The following RYR3 variants were observed in gnomAD, a reference collection of about 807,000 sequenced individuals.
The protein encoded by RYR3 is brain ryanodine receptor-calcium release channel.
Under a neutral mutation model 584.3 loss-of-function variants are expected in RYR3, and 207 were observed. The ratio of observed to expected loss-of-function variants is 0.35; its 90% CI spans 0.32 to 0.40. The LOEUF (loss-of-function observed/expected upper bound fraction) is 0.40, where lower values mean the gene tolerates loss of function less well. RYR3 is among the 10% of genes least tolerant of loss of function. RYR3 has a pLI of 1.00. For missense variants in RYR3, 5,616 were observed against 6,089.2 expected (o/e 0.92, Z 2.59); for synonymous variants, 2,416 against 2,248.5 (o/e 1.07, Z -2.11).
chr15:33,404,320 G>A lies in RYR3; in HGVS notation c.52-69099G>A, dbSNP rs115515995. On this transcript the variant is annotated intron_variant, in intron 1 of 103. Coordinates refer to ENST00000634891, the MANE Select transcript of RYR3 (RefSeq NM_001036.6). Reference sequence around the variant, plus strand: ...TTTAATCTTTACAATGATTCTAAACGATAAACATTCATCCCTTCTTACCAA... The same window carrying A: ...TTTAATCTTTACAATGATTCTAAACAATAAACATTCATCCCTTCTTACCAA... Among the ~76,000 whole-genome samples the A allele has an allele frequency of 3.1e-3, 465 of 152,254 alleles. 1 individual carries two copies. The highest frequency in any genetic ancestry group is 0.011 in the African/African-American group (447 of 41,552).
At chr15:33,613,443 C>A in intron 19 of RYR3, 68 bp downstream of exon 19, 2 of 1,468,106 alleles carry the variant, frequency 1.4e-6, no homozygotes, top group Non-Finnish European at 1.8e-6. Flanking sequence ...CTGTGAGCTG[C>A]GAAGCCAGCA....
chr15:33,352,802 GGT>G (rs1973457722), intron 1 of RYR3, among the ~76,000 whole-genome samples: 1 of 152,150 alleles, frequency 6.6e-6, no homozygotes, highest in Non-Finnish European at 1.5e-5. Flanking sequence ...GTTTACTCAT[GGT>G]GGTCATTTAG....
intron 48 of RYR3, 140 bp downstream of exon 48, chr15:33,731,834 A>C: frequency 7.6e-6 from 5 of 661,970 alleles, no homozygotes; most frequent in East Asian, 5.4e-5. Flanking sequence ...CAGACATCTC[A>C]TAGGATGTGC....
intron 41 of RYR3, 35 bp from the exon 42 acceptor site, chr15:33,700,942 G>T: frequency 6.6e-7 from 1 of 1,504,002 alleles, no homozygotes; most frequent in Admixed American, 1.8e-5. Context: ...GTCTTCCTCT[G>T]TCCTTTTCTT....
chr15:33,785,651 C>A lies in RYR3; in HGVS notation c.9269-11C>A. ...TTGAATTTCTGTCCCTTTATTCTTCCTCTCAATCAGTTCTGGGGATGCCAG... is the reference window on the plus strand; with the variant it reads ...TTGAATTTCTGTCCCTTTATTCTTCATCTCAATCAGTTCTGGGGATGCCAG... On this transcript the variant is annotated splice_polypyrimidine_tract_variant and intron_variant, in intron 65 of 103. Coordinates refer to ENST00000634891, the MANE Select transcript of RYR3 (RefSeq NM_001036.6). The A allele has an allele frequency of 1.3e-6, 2 of 1,549,432 alleles. No homozygotes were observed. The highest frequency in any genetic ancestry group is 1.7e-6 in the Non-Finnish European group (2 of 1,145,794).
intron 85 of RYR3, among the ~76,000 whole-genome samples, chr15:33,828,147 A>C (rs1325709718): frequency 6.6e-6 from 1 of 152,148 alleles, no homozygotes; most frequent in African/African-American, 2.4e-5. Context: ...CGATGTTACT[A>C]TTGTAATTGT....
rs1232512260 is a variant in RYR3 at position 33,603,209 on chromosome 15, A to C, written c.2009A>C (p.Asp670Ala). The C allele has an allele frequency of 1.9e-6, 3 of 1,613,512 alleles. No individual in the cohort carries two copies. The highest frequency in any genetic ancestry group is 2.5e-6 in the Non-Finnish European group (3 of 1,179,808). ...TTCGAGCTGATTATCGACCAGGTGG[A>C]CCCCTTCCTAACAGCAGAGCCCACA... is the stretch of plus-strand genomic sequence containing the variant. ...WYFELIIDQV[D>A]PFLTAEPTHL... Residue 670 changes from aspartate (D) to alanine (A), a missense_variant, in exon 18 of 104, where the codon GAC becomes GCC. Transcript: ENST00000634891.
chr15:33,631,151 G>A, intron 22 of RYR3, 59 bp from the exon 23 acceptor site: 1 of 1,038,346 alleles, frequency 9.6e-7, no homozygotes, highest in Admixed American at 2.4e-5. Flanking sequence ...GTGAATTAGG[G>A]TTCCTGCTGT....
chr15:33,702,661 A>T lies in RYR3; in HGVS notation c.6483+1581A>T, dbSNP rs987071159. Among the ~76,000 whole-genome samples, 3 of 152,112 alleles carry T rather than the reference A, an allele frequency of 2.0e-5. No individual in the cohort carries two copies. The East Asian group carries it at 5.8e-4, about 29-fold the overall frequency. The stretch of plus-strand genomic sequence containing the variant: ...ATCTCAGGAGAGCTCTCTGAGCTGC[A>T]GATAGAGCACACAGAGGGTGGTTGA... On this transcript the variant is annotated intron_variant, in intron 42 of 103. Coordinates refer to ENST00000634891, the MANE Select transcript of RYR3 (RefSeq NM_001036.6).
chr15:33,331,954 A>T (rs1467402662), intron 1 of RYR3, among the ~76,000 whole-genome samples: 2 of 151,974 alleles, frequency 1.3e-5, no homozygotes, highest in Non-Finnish European at 2.9e-5. Context: ...TCATTGTAGG[A>T]GGGTAAAGAC....
Position 33,839,006 on chromosome 15 carries a change from C to T in RYR3, c.12978+48C>T, listed in dbSNP as rs1596937346. On this transcript the variant is annotated intron_variant, in intron 89 of 103. Coordinates refer to ENST00000634891, the MANE Select transcript of RYR3 (RefSeq NM_001036.6). ...ATCTTCCTTTATCCCCAGAATAAGA[C>T]TTGCCACCATATCTTGTAATCAGTA... 4 of 1,562,588 alleles carry T rather than the reference C, an allele frequency of 2.6e-6. No individual in the cohort carries two copies. In the East Asian group the frequency reaches 9.0e-5, roughly 35 times the overall value.
Position 33,633,041 on chromosome 15 carries a change from C to G in RYR3, c.2960C>G (p.Ala987Gly), listed in dbSNP as rs1274052095. ...PPQEILVDKL[A>G]ENAHNVWAKD... ...CAAGAAATTTTAGTGGATAAGCTTGCAGAAAATGCACACAATGTTTGGGCA... is the reference window on the plus strand; with the variant it reads ...CAAGAAATTTTAGTGGATAAGCTTGGAGAAAATGCACACAATGTTTGGGCA... Residue 987 changes from alanine to glycine, a missense_variant, in exon 24 of 104, where the codon GCA becomes GGA. This residue lies in a region of RYR3 where 1,284 missense variants were observed against 1,344.6 expected (regional missense o/e 0.95). Transcript: ENST00000634891. The G allele has an allele frequency of 6.2e-7, 1 of 1,613,938 alleles. No individual in the cohort carries two copies. Among genetic ancestry groups the G allele is most frequent in the Non-Finnish European group, 8.5e-7 (1 of 1,179,868 alleles).
chr15:33,347,503 G>C (rs1432744748), intron 1 of RYR3, among the ~76,000 whole-genome samples: 1 of 151,166 alleles, frequency 6.6e-6, no homozygotes, highest in Non-Finnish European at 1.5e-5. Flanking sequence ...CTGGAGTGCA[G>C]TGGTGCTATC....
rs77753049 is a variant in RYR3 at position 33,729,492 on chromosome 15, C to T, written c.7203+466C>T. ...GGCAACATTATAGGCTGACATTACT[C>T]TTCACACTCTCGCTTCTTAGTTTCA... On this transcript the variant is annotated intron_variant, in intron 47 of 103. Transcript: ENST00000634891. Among the ~76,000 whole-genome samples, 22 of 152,280 alleles carry T rather than the reference C, an allele frequency of 1.4e-4. No individual in the cohort carries two copies. In the East Asian group the frequency reaches 3.7e-3, roughly 25 times the overall value.
At chr15:33,708,345 C>T (rs2066862175) in intron 43 of RYR3, among the ~76,000 whole-genome samples, 1 of 152,140 alleles carries the variant, frequency 6.6e-6, no homozygotes, top group Non-Finnish European at 1.5e-5. Context: ...TCTTGGTCAC[C>T]TTCACAGTCA....
intron 102 of RYR3, among the ~76,000 whole-genome samples, chr15:33,863,334 A>G (rs1039106037): frequency 6.6e-6 from 1 of 152,198 alleles, no homozygotes; most frequent in Non-Finnish European, 1.5e-5. Context: ...GGCAGTGAAC[A>G]TACTTAGAGC....
intron 1 of RYR3, among the ~76,000 whole-genome samples, chr15:33,360,690 GC>G (rs1488592244): frequency 2.0e-5 from 3 of 152,378 alleles, no homozygotes; most frequent in Middle Eastern, 3.4e-3. Context: ...AAGAATTGGA[GC>G]CTTAGAGAGG....
chr15:33,757,405 C>T lies in RYR3; in HGVS notation c.8584-70C>T, dbSNP rs191083601. 4.0e-6 allele frequency: 6 copies of T among 1,516,584 alleles called. No homozygotes were observed. The African/African-American group carries it at 5.5e-5, about 14-fold the overall frequency. 93.9% of individuals were successfully genotyped at this position (1,516,584 alleles called of 1,614,324 possible). ...AGGCTTTTTGCTCACTGAAAATAAA[C>T]ACTTTTAAATGAACCAAATGAAGAG... On this transcript the variant is annotated intron_variant, in intron 59 of 103. Coordinates refer to ENST00000634891, the MANE Select transcript of RYR3 (RefSeq NM_001036.6).
intron 1 of RYR3, among the ~76,000 whole-genome samples, chr15:33,312,162 C>T (rs1967414305): frequency 6.6e-6 from 1 of 152,338 alleles, no homozygotes; most frequent in East Asian, 1.9e-4. Flanking sequence ...TATGCGCTGC[C>T]TTGCTCTCAG....
Sources: allele counts gnomAD v4.1 joint callset (sites outside exome capture counted in the v4.1 genomes callset), GRCh38; gene constraint gnomAD v4.1.1; regional missense constraint gnomAD v4.1.1; transcripts MANE v1.5; gene names NCBI Gene and HGNC (gene_info 2026-07-23, HGNC 2026-07-21).